Variants in MFNG observed in about 807,000 individuals in gnomAD.
MFNG encodes beta-1,3-N-acetylglucosaminyltransferase manic fringe.
Under a neutral mutation model 34.2 loss-of-function variants are expected in MFNG, and 24 were observed. The observed-to-expected ratio is 0.70, with a 90% CI of 0.51 to 0.99. MFNG has a LOEUF of 0.99. MFNG is among the 50% of genes least tolerant of loss of function. MFNG has a pLI of 0.00. For synonymous variants in MFNG, 158 were observed against 179.2 expected (o/e 0.88, Z 0.94); for missense variants, 383 against 424.0 (o/e 0.90, Z 0.85).
chr22:37,478,009 G>T (rs1021412203), intron 4 of MFNG, among the ~76,000 whole-genome samples: 6 of 152,226 alleles, frequency 3.9e-5, no homozygotes, highest in Non-Finnish European at 8.8e-5. Flanking sequence ...CCACCCCAGA[G>T]GCAAACTGCT....
intron 2 of MFNG, 98 bp from the exon 3 acceptor site, chr22:37,480,397 G>C: frequency 4.2e-6 from 4 of 954,634 alleles, no homozygotes; most frequent in East Asian, 2.6e-5. Context: ...AGGGAGTCTG[G>C]AGCAGCCCAC....
rs1300131413 is a variant in MFNG at position 37,480,781 on chromosome 22, A to G, written c.256-12T>C. 4 of 1,612,792 alleles carry G rather than the reference A, an allele frequency of 2.5e-6. No individual in the cohort carries two copies. The highest frequency in any genetic ancestry group is 3.4e-6 in the Non-Finnish European group (4 of 1,179,486). On this transcript the variant is annotated splice_polypyrimidine_tract_variant and intron_variant, in intron 1 of 7. Transcript: ENST00000356998. ...GTGAAGACAAATGTCTAGGAAGGAGAAGAAGGGGTCAGGACTCACATCGGC... is the reference window on the plus strand; with the variant it reads ...GTGAAGACAAATGTCTAGGAAGGAGGAGAAGGGGTCAGGACTCACATCGGC...
At chr22:37,479,127 G>C (rs1922169088) in intron 4 of MFNG, among the ~76,000 whole-genome samples, 1 of 152,208 alleles carries the variant, frequency 6.6e-6, no homozygotes, top group East Asian at 1.9e-4. Flanking sequence ...GCCTCACTAT[G>C]TACTGTGTCT....
intron 6 of MFNG, among the ~76,000 whole-genome samples, chr22:37,472,882 C>T (rs1441184216): frequency 6.6e-6 from 1 of 152,176 alleles, no homozygotes; most frequent in Non-Finnish European, 1.5e-5. Flanking sequence ...ACTGGAGGGC[C>T]TTGGCACATC....
At chr22:37,473,586 C>T (rs982095447) in intron 6 of MFNG, among the ~76,000 whole-genome samples, 3 of 152,160 alleles carry the variant, frequency 2.0e-5, no homozygotes, top group African/African-American at 7.2e-5. Flanking sequence ...CCTCACACCC[C>T]AGTTCCAGGC....
chr22:37,481,133 A>C, intron 1 of MFNG: 5 of 266,692 alleles, frequency 1.9e-5, no homozygotes, highest in East Asian at 8.7e-5. Flanking sequence ...CTCCTCCACA[A>C]TCACAGAACA....
rs9610772 is a variant in MFNG at position 37,483,241 on chromosome 22, G to A, written c.256-2472C>T. ...CGTCTGGGACGCTGCTCTTCCCTCC[G>A]GCCCACCCGGCCACCTAGTCCCCGC... On this transcript the variant is annotated intron_variant, in intron 1 of 7. Coordinates refer to ENST00000356998, the MANE Select transcript of MFNG (RefSeq NM_002405.4). This position sits in a 1 kb window ranked among gnomAD's most constrained non-coding sequence, Gnocchi z 4.5. 0.04 allele frequency among the ~76,000 whole-genome samples: 6,128 copies of A among 152,054 alleles called. 157 individuals are homozygous for A. Among genetic ancestry groups the A allele is most frequent in the Non-Finnish European group, 0.057 (3,867 of 67,954 alleles).
At chr22:37,479,664 A>G (rs761741487) in intron 3 of MFNG, among the ~76,000 whole-genome samples, 166 bp from the exon 4 acceptor site, 1 of 152,128 alleles carries the variant, frequency 6.6e-6, no homozygotes, top group Non-Finnish European at 1.5e-5. Flanking sequence ...TAAGCTCATG[A>G]GGAGGGTACC....
chr22:37,473,254 A>G (rs1018136539), intron 6 of MFNG, among the ~76,000 whole-genome samples: 2 of 152,086 alleles, frequency 1.3e-5, no homozygotes, highest in Non-Finnish European at 2.9e-5. Context: ...CCTGGCCAAC[A>G]TGGTGAAACC....
intron 7 of MFNG, among the ~76,000 whole-genome samples, chr22:37,471,870 G>A (rs1373531472): frequency 6.7e-6 from 1 of 149,844 alleles, no homozygotes; most frequent in Non-Finnish European, 1.5e-5. Context: ...CAGCTGGCAG[G>A]TGCTGGTGTG....
chr22:37,479,197 A>G, intron 4 of MFNG, 148 bp downstream of exon 4: 1 of 764,560 alleles, frequency 1.3e-6, no homozygotes, highest in South Asian at 2.4e-5. Context: ...TGAGGGTTGA[A>G]GAGGGGAAGC....
intron 1 of MFNG, chr22:37,481,073 T>TCA (rs900485995): frequency 3.9e-4 from 170 of 438,326 alleles, no homozygotes; most frequent in Middle Eastern, 6.1e-4. Flanking sequence ...CCCTCTTCTA[T>TCA]CACACACACA....
intron 4 of MFNG, 94 bp downstream of exon 4, chr22:37,479,251 C>A: frequency 7.3e-7 from 1 of 1,369,322 alleles, no homozygotes; most frequent in South Asian, 1.7e-5. Flanking sequence ...AACCCAGAAC[C>A]CCTCTCACCT....
chr22:37,481,418 C>G (rs557812542), intron 1 of MFNG: 1 of 152,902 alleles, frequency 6.5e-6, no homozygotes, highest in African/African-American at 2.4e-5. Flanking sequence ...CCAGGATTGG[C>G]AAGTGCCAGG....
chr22:37,485,959 C>G lies in MFNG; in HGVS notation c.219G>C (p.Leu73=). The part of the protein sequence containing the change: ...TRAFHRLRLE[L]LLDTWVSRTR... ...TCCTGGAAACCCACGTGTCAAGCAG[C>G]AGCTCCAGGCGCAAGCGGTGGAAAG... The change falls in exon 1 of 8, where the codon CTG becomes CTC. Residue 73 remains leucine, a synonymous_variant. Transcript: ENST00000356998. This position sits in a 1 kb window ranked among gnomAD's most constrained non-coding sequence, Gnocchi z 5.3. 6.2e-7 allele frequency: 1 copy of G among 1,613,790 alleles called. No homozygotes were observed. Among genetic ancestry groups the G allele is most frequent in the Non-Finnish European group, 8.5e-7 (1 of 1,179,804 alleles).
rs759837064 is a variant in MFNG at position 37,486,212 on chromosome 22, C to G, written c.-35G>C. Reference sequence around the variant, plus strand: ...CTGGGACCCCAGACAGCTCAGCCCCCAAATCCCAACCAGACAGGGAGGGGA... The same window carrying G: ...CTGGGACCCCAGACAGCTCAGCCCCGAAATCCCAACCAGACAGGGAGGGGA... On this transcript the variant is annotated 5_prime_UTR_variant, in exon 1 of 8. Coordinates refer to ENST00000356998, the MANE Select transcript of MFNG (RefSeq NM_002405.4). The G allele has an allele frequency of 3.4e-6, 5 of 1,490,162 alleles. No individual in the cohort carries two copies. In the African/African-American group the frequency reaches 4.2e-5, roughly 12 times the overall value. 92.3% of individuals were successfully genotyped at this position (1,490,162 alleles called of 1,614,324 possible).
In MFNG at chr22:37,485,974, G is replaced by C; in HGVS notation, c.204C>G (p.Arg68=). 1 of 1,613,968 alleles carries C rather than the reference G, an allele frequency of 6.2e-7. No individual in the cohort carries two copies. The highest frequency in any genetic ancestry group is 8.5e-7 in the Non-Finnish European group (1 of 1,179,878). ...TGTCAAGCAGCAGCTCCAGGCGCAAGCGGTGGAAAGCCCGGGTCGTCTTCA... is the reference window on the plus strand; with the variant it reads ...TGTCAAGCAGCAGCTCCAGGCGCAACCGGTGGAAAGCCCGGGTCGTCTTCA... ...IAVKTTRAFH[R]LRLELLLDTW... is the part of the protein sequence containing the mutation. Residue 68 remains arginine (R), a synonymous_variant, in exon 1 of 8, where the codon CGC becomes CGG. Transcript: ENST00000356998. The surrounding 1 kb of genome is among the most constrained non-coding windows in gnomAD (Gnocchi z 5.3).
rs1409731805 is a variant in MFNG, at chr22:37,485,529, A to C, written c.255+394T>G. 6.6e-6 allele frequency among the ~76,000 whole-genome samples: 1 copy of C among 152,116 alleles called. No homozygotes were observed. The highest frequency in any genetic ancestry group is 1.5e-5 in the Non-Finnish European group (1 of 67,998). On this transcript the variant is annotated intron_variant, in intron 1 of 7. Transcript: ENST00000356998. The surrounding 1 kb of genome is among the most constrained non-coding windows in gnomAD (Gnocchi z 5.3). ...ACGGGTCTGGGTCAGGACCTCTTGG[A>C]GGCCTCCACCCCAGCTGCCCAACAC...
rs1922405925 is a variant in MFNG at position 37,483,820 on chromosome 22, A to G, written c.255+2103T>C. ...AGCAGCCATGAACAGAGTGAGGGAGAGAGCCGGGAAGGGGAGTCCAGGTCC... is the reference window on the plus strand; with the variant it reads ...AGCAGCCATGAACAGAGTGAGGGAGGGAGCCGGGAAGGGGAGTCCAGGTCC... On this transcript the variant is annotated intron_variant, in intron 1 of 7. Coordinates refer to ENST00000356998, the MANE Select transcript of MFNG (RefSeq NM_002405.4). This position sits in a 1 kb window ranked among gnomAD's most constrained non-coding sequence, Gnocchi z 4.5. Among the ~76,000 whole-genome samples, 2 of 152,110 alleles carry G rather than the reference A, an allele frequency of 1.3e-5. No individual in the cohort carries two copies. Among genetic ancestry groups the G allele is most frequent in the South Asian group, 4.2e-4 (2 of 4,812 alleles).
Sources: gnomAD v4.1 joint callset for allele counts (sites outside exome capture counted in the v4.1 genomes callset) on GRCh38, gnomAD v4.1.1 for gene constraint, Gnocchi (gnomAD v3.1) non-coding constraint, MANE v1.5 for transcripts, NCBI Gene and HGNC (gene_info 2026-07-23, HGNC 2026-07-21) for gene names.